Variants in CYB561A3 observed in about 807,000 individuals in gnomAD.
The protein encoded by CYB561A3 is cytochrome b561 family member A3, also known as lysosomal membrane ascorbate-dependent ferrireductase CYB561A3.
In CYB561A3, 16 loss-of-function variants were observed where a neutral mutation model predicts 25.3. That is an observed-to-expected ratio of 0.63 (90% CI 0.43 to 0.96). The LOEUF is 0.96. Among genes scored for constraint, CYB561A3 ranks in the 40% least tolerant of loss-of-function variants. The probability of loss-of-function intolerance (pLI) is 0.00; values close to 1 mark genes in which losing one functional copy is unlikely to be tolerated. For synonymous variants in CYB561A3, 131 were observed against 129.9 expected, an observed-to-expected ratio of 1.01 and a Z score of -0.06; for missense variants, 219 against 307.5, an observed-to-expected ratio of 0.71 and a Z score of 2.15.
chr11:61,355,662 C>T (rs1314467224), intron 3 of CYB561A3, among the ~76,000 whole-genome samples: 2 of 144,152 alleles, frequency 1.4e-5, no homozygotes, highest in African/African-American at 5.2e-5. Flanking sequence ...GCCTGGGCAA[C>T]AAGAGCAAAA....
intron 1 of CYB561A3, 111 bp from the exon 2 acceptor site, chr11:61,357,939 G>A (rs866197749): frequency 6.6e-6 from 1 of 152,248 alleles, no homozygotes. Flanking sequence ...TTAACCCTGG[G>A]AGGCATATTA....
chr11:61,356,813 T>C lies in CYB561A3; in HGVS notation c.-15-85A>G, dbSNP rs904243408. 3.9e-6 allele frequency: 6 copies of C among 1,532,602 alleles called. No homozygotes were observed. The African/African-American group carries it at 6.9e-5, about 18-fold the overall frequency. 94.9% of individuals were successfully genotyped at this position (1,532,602 alleles called of 1,614,324 possible). On this transcript the variant is annotated intron_variant, in intron 2 of 6. Transcript: ENST00000294072. ...AAGGAGGTAACACTGATTTAGCTCT[T>C]GGCCTGTGGGATGGAATCTTTTTGC...
intron 5 of CYB561A3, 109 bp downstream of exon 5, chr11:61,352,876 A>T: frequency 6.3e-7 from 1 of 1,577,948 alleles, no homozygotes; most frequent in African/African-American, 1.4e-5. Context: ...AGTGGACCCA[A>T]CCCCAAAATC....
rs1857285941 is a variant in CYB561A3 at position 61,349,281 on chromosome 11, A to T, written c.*1118T>A. On this transcript the variant is annotated 3_prime_UTR_variant, in exon 7 of 7. Transcript: ENST00000294072. The stretch of plus-strand genomic sequence containing the variant: ...CAAGCAGCCATGGTGGGGCCAGGTG[A>T]AGCAATGTGGGTCTCAGCAAGGAAC... 2 of 445,446 alleles carry T rather than the reference A, an allele frequency of 4.5e-6. No individual in the cohort carries two copies. Among genetic ancestry groups the T allele is most frequent in the Non-Finnish European group, 8.4e-6 (2 of 238,242 alleles). 27.6% of individuals were successfully genotyped at this position (445,446 alleles called of 1,614,324 possible).
chr11:61,352,954 ACC>A lies in CYB561A3; in HGVS notation c.548+29_548+30del, dbSNP rs769371470. On this transcript the variant is annotated intron_variant, in intron 5 of 6. Transcript: ENST00000294072. ...TTGAAGACCCTATTCCCTCCTCTTC[ACC>A]TTAGAGTTGGGGACCCCACTGCACT... 3.7e-6 allele frequency: 6 copies of A among 1,613,856 alleles called. No homozygotes were observed. In the East Asian group the frequency reaches 1.1e-4, roughly 30 times the overall value.
At chr11:61,355,820 T>G (rs1156618180) in intron 3 of CYB561A3, among the ~76,000 whole-genome samples, 4 of 152,140 alleles carry the variant, frequency 2.6e-5, no homozygotes, top group Admixed American at 1.3e-4. Context: ...TCGGGCATGA[T>G]GGCTCAAGCC....
At position 61,356,688 on chromosome 11, in the gene CYB561A3, G is replaced by T; in HGVS notation, c.26C>A (p.Ser9Tyr). The T allele has an allele frequency of 6.2e-7, 1 of 1,614,166 alleles. No homozygotes were observed. Among genetic ancestry groups the T allele is most frequent in the Non-Finnish European group, 8.5e-7 (1 of 1,180,032 alleles). The part of the protein sequence containing the change: MVSGRFYL[S>Y]CLLLGSLGSM... ...GCCCAGGGACCCCAGCAGCAGGCAGGACAAGTAGAACCGTCCAGACACCAT... is the reference window on the plus strand; with the variant it reads ...GCCCAGGGACCCCAGCAGCAGGCAGTACAAGTAGAACCGTCCAGACACCAT... Residue 9 changes from serine (S) to tyrosine (Y), a missense_variant, in exon 3 of 7, where the codon TCC becomes TAC. Transcript: ENST00000294072.
At chr11:61,351,384 G>T in intron 5 of CYB561A3, 1 of 320,764 alleles carries the variant, frequency 3.1e-6, no homozygotes, top group South Asian at 5.2e-5. Context: ...CCGCCTCCTG[G>T]GTTCACGCCA....
Position 61,351,123 on chromosome 11 carries a change from G to A in CYB561A3, c.573C>T (p.His191=). The A allele has an allele frequency of 6.2e-7, 1 of 1,613,712 alleles. No homozygotes were observed. Among genetic ancestry groups the A allele is most frequent in the South Asian group, 1.1e-5 (1 of 90,990 alleles). Residue 191 remains histidine, a synonymous_variant, in exon 6 of 7, where the codon CAC becomes CAT. Coordinates refer to ENST00000294072, the MANE Select transcript of CYB561A3 (RefSeq NM_153611.6). Reference sequence around the variant, plus strand: ...CAAAGACCGCCTCACTGGGCAGGCTGTGGTATGGCCTGGTGGTGTTTTTCC... The same window carrying A: ...CAAAGACCGCCTCACTGGGCAGGCTATGGTATGGCCTGGTGGTGTTTTTCC... ...FSLKNTTRPY[H]SLPSEAVFAN...
rs938672353 is a variant in CYB561A3 at position 61,357,081 on chromosome 11, C to A, written c.-15-353G>T. 4 of 1,424,298 alleles carry A rather than the reference C, an allele frequency of 2.8e-6. No individual in the cohort carries two copies. The South Asian group carries it at 3.7e-5, about 13-fold the overall frequency. The allele number at this position is 1,424,298 out of a possible 1,614,324, so 88.2% of individuals were successfully genotyped here. On this transcript the variant is annotated intron_variant, in intron 2 of 6. Coordinates refer to ENST00000294072, the MANE Select transcript of CYB561A3 (RefSeq NM_153611.6). ...AAGGTAAAGAATTACCACCCCATAC[C>A]CCCCAGGAAAAAAGGGACAGGAATC...
intron 2 of CYB561A3, 167 bp from the exon 3 acceptor site, chr11:61,356,895 G>A (rs1857673659): frequency 6.9e-7 from 1 of 1,445,274 alleles, no homozygotes; most frequent in East Asian, 2.5e-5. Context: ...TCAATGCCTG[G>A]GTGGGCCTGA....
rs111693851 is a variant in CYB561A3 at position 61,350,181 on chromosome 11, G to A, written c.*218C>T. 13 of 604,052 alleles carry A rather than the reference G, an allele frequency of 2.2e-5. No individual in the cohort carries two copies. Among genetic ancestry groups the A allele is most frequent in the Admixed American group, 1.2e-4 (4 of 33,110 alleles). 37.4% of individuals were successfully genotyped at this position (604,052 alleles called of 1,614,324 possible). A position where few individuals can be genotyped will look rare whatever the true frequency, so the allele number is the denominator to read the frequency against. ...GAAAGCAGACAGGCAGCAAGCGGCC[G>A]GAGAGGGCAGGCCCAGCACCCAGGC... is the stretch of plus-strand genomic sequence containing the variant. On this transcript the variant is annotated 3_prime_UTR_variant, in exon 7 of 7. Transcript: ENST00000294072.
rs147478513 is a variant in CYB561A3, at chr11:61,350,230, G to T, written c.*169C>A. On this transcript the variant is annotated 3_prime_UTR_variant, in exon 7 of 7. Coordinates refer to ENST00000294072, the MANE Select transcript of CYB561A3 (RefSeq NM_153611.6). ...GCAAAGCCACCAAGGAAAGCAGACAGGCAGCAAGCGGCCGGAGAGGGCAGG... is the reference window on the plus strand; with the variant it reads ...GCAAAGCCACCAAGGAAAGCAGACATGCAGCAAGCGGCCGGAGAGGGCAGG... 15,187 of 817,054 alleles carry T rather than the reference G, an allele frequency of 0.019. 1,012 individuals carry two copies. The highest frequency in any genetic ancestry group is 0.17 in the African/African-American group (9,474 of 56,084). 50.6% of individuals were successfully genotyped at this position (817,054 alleles called of 1,614,324 possible).
At chr11:61,351,253 C>A in intron 5 of CYB561A3, 106 bp from the exon 6 acceptor site, 3 of 1,157,444 alleles carry the variant, frequency 2.6e-6, no homozygotes, top group Non-Finnish European at 3.5e-6. Flanking sequence ...CTTCCCGGGT[C>A]CATATGTGAT....
rs377621888 is a variant in CYB561A3 at position 61,353,145 on chromosome 11, G to A, written c.394-6C>T. Reference sequence around the variant, plus strand: ...ACAGCAAAGCCCAGGAACCACTGTGGACAAAAGGGAGGACACACCCGACTG... The same window carrying A: ...ACAGCAAAGCCCAGGAACCACTGTGAACAAAAGGGAGGACACACCCGACTG... On this transcript the variant is annotated splice_region_variant and splice_polypyrimidine_tract_variant and intron_variant, in intron 4 of 6. Coordinates refer to ENST00000294072, the MANE Select transcript of CYB561A3 (RefSeq NM_153611.6). 46 of 1,597,160 alleles carry A rather than the reference G, an allele frequency of 2.9e-5. No individual in the cohort carries two copies. Among genetic ancestry groups the A allele is most frequent in the Non-Finnish European group, 3.3e-5 (39 of 1,172,816 alleles).
In CYB561A3 at chr11:61,356,569, C is replaced by CTGGGT; in HGVS notation, c.140_144dup (p.Val49ThrfsTer42). The CTGGGT allele has an allele frequency of 6.2e-7, 1 of 1,614,224 alleles. No individual in the cohort carries two copies. Among genetic ancestry groups the CTGGGT allele is most frequent in the Non-Finnish European group, 8.5e-7 (1 of 1,180,048 alleles). The stretch of plus-strand genomic sequence containing the variant: ...ACCACCATGCCAGCAACCATAAGCA[C>CTGGGT]TGGGTGCCAGTTGAACATGTAGATG... On this transcript the variant is annotated frameshift_variant, in exon 3 of 7. Coordinates refer to ENST00000294072, the MANE Select transcript of CYB561A3 (RefSeq NM_153611.6). LOFTEE classifies it high-confidence loss of function.
At position 61,356,577 on chromosome 11, in the gene CYB561A3, C is replaced by T; in HGVS notation, c.137G>A (p.Trp46Ter). 1 of 1,614,156 alleles carries T rather than the reference C, an allele frequency of 6.2e-7. No individual in the cohort carries two copies. Among genetic ancestry groups the T allele is most frequent in the Non-Finnish European group, 8.5e-7 (1 of 1,180,036 alleles). The part of the protein sequence containing the change: ...AWNGSIYMFN[W>*]HPVLMVAGMV... ...GCCAGCAACCATAAGCACTGGGTGCCAGTTGAACATGTAGATGCTGCCATT... is the reference window on the plus strand; with the variant it reads ...GCCAGCAACCATAAGCACTGGGTGCTAGTTGAACATGTAGATGCTGCCATT... Residue 46 changes from tryptophan (W) to a stop codon, truncating the protein, a stop_gained, in exon 3 of 7, where the codon TGG (tryptophan) becomes TAG (stop). Coordinates refer to ENST00000294072, the MANE Select transcript of CYB561A3 (RefSeq NM_153611.6). LOFTEE classifies it high-confidence loss of function.
chr11:61,353,187 A>G, intron 4 of CYB561A3, 48 bp from the exon 5 acceptor site: 2 of 1,540,296 alleles, frequency 1.3e-6, no homozygotes, highest in Non-Finnish European at 1.7e-6. Context: ...GTGTGACCAA[A>G]GCACATCCCA....
Position 61,349,948 on chromosome 11 carries a change from C to T in CYB561A3, c.*451G>A, listed in dbSNP as rs1857320479. 2.1e-6 allele frequency: 1 copy of T among 484,214 alleles called. No homozygotes were observed. The allele number at this position is 484,214 out of a possible 1,614,324, so 30.0% of individuals were successfully genotyped here. On this transcript the variant is annotated 3_prime_UTR_variant, in exon 7 of 7. Transcript: ENST00000294072. ...GGACTGCACTTGAGTCCCAGCTCTT[C>T]ACCACATCCCTAGGAGTCTTAAGAG...
Sources: allele counts gnomAD v4.1 joint callset (sites outside exome capture counted in the v4.1 genomes callset), GRCh38; gene constraint gnomAD v4.1.1; transcripts MANE v1.5; gene names NCBI Gene and HGNC (gene_info 2026-07-23, HGNC 2026-07-21).